The following STXBP4 variants were observed in gnomAD, a reference collection of about 807,000 sequenced individuals.
The protein encoded by STXBP4 is syntaxin-binding protein 4.
STXBP4 carries 55 observed loss-of-function variants against 76.1 expected under a neutral mutation model. The ratio of observed to expected loss-of-function variants is 0.72; its 90% CI spans 0.58 to 0.91. STXBP4 has a LOEUF of 0.91. STXBP4 is among the 40% of genes least tolerant of loss of function. STXBP4 has a pLI of 0.00. For missense variants in STXBP4, 618 were observed against 636.9 expected (o/e 0.97, Z 0.32); for synonymous variants, 201 against 220.2 (o/e 0.91, Z 0.77).
intron 1 of STXBP4, among the ~76,000 whole-genome samples, chr17:54,969,455 G>A (rs2077352487): frequency 6.6e-6 from 1 of 152,180 alleles, no homozygotes; most frequent in Non-Finnish European, 1.5e-5. Flanking sequence ...CTGAGGTTAG[G>A]GGGTTCTGGA....
At chr17:55,008,177 GGTT>G (rs1165451713) in intron 8 of STXBP4, among the ~76,000 whole-genome samples, 1 of 151,334 alleles carries the variant, frequency 6.6e-6, no homozygotes, top group African/African-American at 2.4e-5. Flanking sequence ...GCATTTATCA[GGTT>G]ACCAGGGATC....
intron 4 of STXBP4, among the ~76,000 whole-genome samples, chr17:54,992,916 T>C (rs2077741722): frequency 1.3e-5 from 2 of 152,042 alleles, no homozygotes; most frequent in Non-Finnish European, 2.9e-5. Flanking sequence ...TTTCACCATG[T>C]TGGCCAGGCT....
At chr17:55,188,292 G>T in the STXBP4 span, among the ~76,000 whole-genome samples, 1 of 152,144 alleles carries the variant, frequency 6.6e-6, no homozygotes, top group African/African-American at 2.4e-5. Context: ...GGATGTGTCT[G>T]GGTCACATTG....
chr17:55,061,944 T>C (rs1567743739), intron 12 of STXBP4, among the ~76,000 whole-genome samples: 1 of 151,964 alleles, frequency 6.6e-6, no homozygotes. Flanking sequence ...CTGGGGGAGG[T>C]TGGATAAAGA....
intron 16 of STXBP4, among the ~76,000 whole-genome samples, chr17:55,125,718 T>A (rs1188284320): frequency 6.6e-6 from 1 of 152,132 alleles, no homozygotes; most frequent in East Asian, 1.9e-4. Context: ...TGAACTTGCA[T>A]GAGCCTGAGG....
rs1847393478 is a variant in STXBP4 at position 55,084,935 on chromosome 17, A to G, written c.1489+3752A>G. On this transcript the variant is annotated intron_variant, in intron 16 of 17. Coordinates refer to ENST00000376352, the MANE Select transcript of STXBP4 (RefSeq NM_178509.6). ...GTATGTTTATTGCGGCATTATTCAC[A>G]ATAGCAAAGACTTGGAACCAACCCA... is the stretch of plus-strand genomic sequence containing the variant. 3.9e-5 allele frequency among the ~76,000 whole-genome samples: 6 copies of G among 152,298 alleles called. No individual in the cohort carries two copies. In the East Asian group the frequency reaches 9.6e-4, roughly 24 times the overall value.
intron 8 of STXBP4, among the ~76,000 whole-genome samples, chr17:55,027,934 T>TA (rs1467134014): frequency 6.6e-6 from 1 of 152,118 alleles, no homozygotes; most frequent in East Asian, 1.9e-4. Context: ...CATATATGCT[T>TA]TTAGTATATA....
the STXBP4 span, among the ~76,000 whole-genome samples, chr17:55,184,687 G>A: frequency 2.6e-5 from 4 of 152,260 alleles, no homozygotes; most frequent in Admixed American, 2.6e-4. Context: ...GGAAAACTGA[G>A]GAATTATTCC....
At position 55,067,013 on chromosome 17, in the gene STXBP4, G is replaced by A. The variant is rs550047391; in HGVS notation, c.1012-5887G>A. ...CCATAAATCTGAACCCTTTTTTGAA[G>A]AAATTTCCTATGAAAGCTTCTTGCC... On this transcript the variant is annotated intron_variant, in intron 12 of 17. Coordinates refer to ENST00000376352, the MANE Select transcript of STXBP4 (RefSeq NM_178509.6). 2.0e-5 allele frequency among the ~76,000 whole-genome samples: 3 copies of A among 152,174 alleles called. No homozygotes were observed. The East Asian group carries it at 5.8e-4, about 29-fold the overall frequency.
At chr17:55,056,480 T>C (rs2144800981) in intron 12 of STXBP4, among the ~76,000 whole-genome samples, 1 of 152,324 alleles carries the variant, frequency 6.6e-6, no homozygotes, top group Admixed American at 6.5e-5. Flanking sequence ...AAAATCTTTT[T>C]CTTTTAATGT....
chr17:55,204,527 T>A, the STXBP4 span, among the ~76,000 whole-genome samples: 4 of 152,278 alleles, frequency 2.6e-5, no homozygotes, highest in South Asian at 8.3e-4. Context: ...ATCAGAGCTA[T>A]AAAAGATATT....
chr17:55,113,950 G>T (rs1327825660), intron 16 of STXBP4, among the ~76,000 whole-genome samples: 1 of 151,918 alleles, frequency 6.6e-6, no homozygotes, highest in African/African-American at 2.4e-5. Flanking sequence ...TAATCTTTGC[G>T]ACTTTCTTAA....
chr17:55,139,182 A>G (rs1224867360), intron 16 of STXBP4, among the ~76,000 whole-genome samples: 2 of 152,144 alleles, frequency 1.3e-5, no homozygotes, highest in African/African-American at 4.8e-5. Context: ...AATAATTGTA[A>G]GGAAATAATC....
the STXBP4 span, among the ~76,000 whole-genome samples, chr17:55,207,461 A>G: frequency 1.3e-5 from 2 of 152,176 alleles, no homozygotes; most frequent in African/African-American, 4.8e-5. Context: ...GGAATGAGCT[A>G]TTCACATAGG....
intron 1 of STXBP4, among the ~76,000 whole-genome samples, chr17:54,979,737 A>G (rs1567869015): frequency 6.6e-6 from 1 of 152,158 alleles, no homozygotes; most frequent in African/African-American, 2.4e-5. Flanking sequence ...TTATGAAGAG[A>G]CTATTTGGAC....
chr17:55,047,233 A>G lies in STXBP4; in HGVS notation c.1011+79A>G, dbSNP rs941984530. The G allele has an allele frequency of 4.9e-6, 4 of 821,074 alleles. No individual in the cohort carries two copies. In the African/African-American group the frequency reaches 7.4e-5, roughly 15 times the overall value. The allele number at this position is 821,074 out of a possible 1,614,324, so 50.9% of individuals were successfully genotyped here. A position where few individuals can be genotyped will look rare whatever the true frequency, so the allele number is the denominator to read the frequency against. Reference sequence around the variant, plus strand: ...GTGTGTGTGTGAACATATGAGGTATAATTATAAAGCAGTGGTTCTTTACAA... The same window carrying G: ...GTGTGTGTGTGAACATATGAGGTATGATTATAAAGCAGTGGTTCTTTACAA... On this transcript the variant is annotated intron_variant, in intron 12 of 17. Coordinates refer to ENST00000376352, the MANE Select transcript of STXBP4 (RefSeq NM_178509.6).
intron 16 of STXBP4, among the ~76,000 whole-genome samples, chr17:55,118,202 G>C (rs1243502049): frequency 6.6e-6 from 1 of 151,924 alleles, no homozygotes. Flanking sequence ...ATTTCAAACT[G>C]AGGAAGTGCT....
chr17:55,074,460 G>A (rs1026851141), intron 13 of STXBP4, among the ~76,000 whole-genome samples: 17 of 152,108 alleles, frequency 1.1e-4, no homozygotes, highest in African/African-American at 4.1e-4. Context: ...ATAATGTTAT[G>A]TAACTTTAGC....
At chr17:55,128,654 C>T (rs1025162444) in intron 16 of STXBP4, among the ~76,000 whole-genome samples, 1 of 152,156 alleles carries the variant, frequency 6.6e-6, no homozygotes, top group East Asian at 1.9e-4. Flanking sequence ...CTCGCTCTGT[C>T]GCCCAGGCTG....
Sources: allele counts gnomAD v4.1 joint callset (sites outside exome capture counted in the v4.1 genomes callset), GRCh38; gene constraint gnomAD v4.1.1; transcripts MANE v1.5; gene names NCBI Gene and HGNC (gene_info 2026-07-23, HGNC 2026-07-21).